SLC7A7: variants seen among roughly 807,000 people sequenced by gnomAD.
The protein encoded by SLC7A7 is solute carrier family 7 member 7, also known as Y+L amino acid transporter 1.
In SLC7A7, 39 loss-of-function variants were observed where a neutral mutation model predicts 47.9. The observed-to-expected ratio is 0.81, with a 90% CI of 0.63 to 1.06. The LOEUF is 1.06. Among genes scored for constraint, SLC7A7 ranks in the 50% least tolerant of loss-of-function variants. SLC7A7 has a pLI of 0.00. For synonymous variants in SLC7A7, 234 were observed against 242.8 expected (o/e 0.96, Z 0.34); for missense variants, 588 against 632.0 (o/e 0.93, Z 0.75).
At chr14:22,789,031 T>C (rs1310164507) in intron 2 of SLC7A7, among the ~76,000 whole-genome samples, 1 of 152,140 alleles carries the variant, frequency 6.6e-6, no homozygotes, top group Non-Finnish European at 1.5e-5. Context: ...AAAATTAAAA[T>C]TGAACCAAAA....
chr14:22,781,336 T>C (rs569192794), intron 2 of SLC7A7, among the ~76,000 whole-genome samples: 1 of 152,330 alleles, frequency 6.6e-6, no homozygotes, highest in Non-Finnish European at 1.5e-5. Flanking sequence ...TACTTCATCC[T>C]GAGAAGCAGG....
At position 22,801,516 on chromosome 14, in the gene SLC7A7, G is replaced by A. The variant is rs748151619; in HGVS notation, c.499+11384C>T. Among the ~76,000 whole-genome samples the A allele has an allele frequency of 1.1e-3, 172 of 152,192 alleles. 1 individual carries two copies. In the Middle Eastern group the frequency reaches 0.014, roughly 12 times the overall value. ...CCTGTATCAGAGGCCAGGCACGGTG[G>A]CTCACGCCTGTAATCCCAGCACTTT... On this transcript the variant is annotated intron_variant, in intron 2 of 9. Transcript: ENST00000674313.
intron 2 of SLC7A7, among the ~76,000 whole-genome samples, chr14:22,810,184 G>A (rs2039282572): frequency 6.6e-6 from 1 of 152,008 alleles, no homozygotes; most frequent in African/African-American, 2.4e-5. Flanking sequence ...AGAATTCTAA[G>A]GCCGGGAAGG....
chr14:22,801,022 C>T (rs1417629558), intron 2 of SLC7A7, among the ~76,000 whole-genome samples: 1 of 152,140 alleles, frequency 6.6e-6, no homozygotes, highest in Non-Finnish European at 1.5e-5. Flanking sequence ...TCTGCTGCAA[C>T]CACATGAGGG....
chr14:22,783,062 T>C (rs995343631), intron 2 of SLC7A7, among the ~76,000 whole-genome samples: 1 of 151,476 alleles, frequency 6.6e-6, no homozygotes, highest in Non-Finnish European at 1.5e-5. Flanking sequence ...GCCTCTTGAG[T>C]AGCTAGGACT....
chr14:22,775,987 G>A, intron 5 of SLC7A7, 51 bp from the exon 6 acceptor site: 1 of 1,500,738 alleles, frequency 6.7e-7, no homozygotes, highest in Non-Finnish European at 9.3e-7. Context: ...AGGGATGAAA[G>A]ACATGGATGG....
chr14:22,773,843 G>C, intron 9 of SLC7A7, 90 bp downstream of exon 9: 2 of 1,575,728 alleles, frequency 1.3e-6, no homozygotes, highest in Non-Finnish European at 1.7e-6. Flanking sequence ...AAGGGGCTAA[G>C]GCAAAGATGT....
intron 2 of SLC7A7, among the ~76,000 whole-genome samples, chr14:22,803,519 T>A (rs992599135): frequency 6.6e-6 from 1 of 151,854 alleles, no homozygotes; most frequent in African/African-American, 2.4e-5. Flanking sequence ...GTGAATGGAG[T>A]AAGGGAATAA....
At chr14:22,795,076 CTTTTTTTTT>C (rs3076435) in intron 2 of SLC7A7, among the ~76,000 whole-genome samples, 1 of 97,606 alleles carries the variant, frequency 1.0e-5, no homozygotes, top group Non-Finnish European at 2.0e-5. Context: ...TTCTTTCTTT[CTTTTTTTTT>C]TTTTTTTTTT....
intron 2 of SLC7A7, among the ~76,000 whole-genome samples, chr14:22,790,325 CTCAA>C: frequency 3.7e-5 from 1 of 26,742 alleles, no homozygotes; most frequent in African/African-American, 1.6e-4. Flanking sequence ...GCAAGACTGT[CTCAA>C]AAAAAAAAAA....
At position 22,815,355 on chromosome 14, in the gene SLC7A7, G is replaced by C. The variant is rs2039390363; in HGVS notation, c.-78C>G. The C allele has an allele frequency of 2.2e-6, 1 of 454,488 alleles. No individual in the cohort carries two copies. The highest frequency in any genetic ancestry group is 2.0e-5 in the African/African-American group (1 of 50,028). The allele number at this position is 454,488 out of a possible 1,614,324, so 28.2% of individuals were successfully genotyped here. ...TGGATATAAGCAGGTTCTCACGGCA[G>C]TGTGAGCAGCAGTCAGGGAGAGAAG... On this transcript the variant is annotated 5_prime_UTR_variant, in exon 1 of 10. Coordinates refer to ENST00000674313, the MANE Select transcript of SLC7A7 (RefSeq NM_003982.4).
intron 5 of SLC7A7, 82 bp downstream of exon 5, chr14:22,776,113 C>T: frequency 6.3e-7 from 1 of 1,590,514 alleles, no homozygotes; most frequent in South Asian, 1.1e-5. Flanking sequence ...CTGTCTACCC[C>T]CTTTCCAGGA....
intron 2 of SLC7A7, among the ~76,000 whole-genome samples, chr14:22,795,415 T>C (rs2039000786): frequency 8.1e-6 from 1 of 124,114 alleles, no homozygotes; most frequent in South Asian, 2.7e-4. Flanking sequence ...TCTTTCTTTC[T>C]TTCTTTCTTT....
chr14:22,773,770 A>C (rs968152072), intron 9 of SLC7A7, 54 bp from the exon 10 acceptor site: 3 of 1,577,916 alleles, frequency 1.9e-6, no homozygotes, highest in African/African-American at 1.3e-5. Context: ...GGCTGAGTTC[A>C]AGTGTCACTG....
rs1433081801 is a variant in SLC7A7 at position 22,812,978 on chromosome 14, T to C, written c.421A>G (p.Asn141Asp). The C allele has an allele frequency of 6.2e-7, 1 of 1,613,864 alleles. No individual in the cohort carries two copies. The change falls in exon 2 of 10, where the codon AAC becomes GAC. Residue 141 changes from asparagine to aspartate, a missense_variant. Transcript: ENST00000674313. Reference protein sequence around the residue: ...SQAIIAITFANYMVQPLFPSC... With the variant: ...SQAIIAITFADYMVQPLFPSC... ...GGGAAGAGAGGCTGTACCATGTAGT[T>C]GGCAAAGGTGATGGCAATGATGGCC...
At chr14:22,810,016 G>T in intron 2 of SLC7A7, among the ~76,000 whole-genome samples, 1 of 118,118 alleles carries the variant, frequency 8.5e-6, no homozygotes, top group African/African-American at 3.3e-5. Context: ...TCCAGCCTGG[G>T]CAACAAGAGG....
rs1378071034 is a variant in SLC7A7 at position 22,775,976 on chromosome 14, A to G, written c.895-40T>C. 4 of 1,533,638 alleles carry G rather than the reference A, an allele frequency of 2.6e-6. No homozygotes were observed. The African/African-American group carries it at 5.4e-5, about 21-fold the overall frequency. ...TGGAAGAGTCATTAGCAGGATCTAA[A>G]AGGGATGAAAGACATGGATGGGCAT... On this transcript the variant is annotated intron_variant, in intron 5 of 9. Transcript: ENST00000674313.
At chr14:22,774,967 C>G (rs72681911) in intron 7 of SLC7A7, among the ~76,000 whole-genome samples, 2 of 152,278 alleles carry the variant, frequency 1.3e-5, no homozygotes, top group South Asian at 4.2e-4. Context: ...TGTATTAAAA[C>G]CCATACTGCT....
intron 2 of SLC7A7, among the ~76,000 whole-genome samples, chr14:22,804,431 A>G (rs1272604393): frequency 6.6e-6 from 1 of 152,220 alleles, no homozygotes; most frequent in Non-Finnish European, 1.5e-5. Flanking sequence ...GACAACCTCT[A>G]CAGAATGGGA....
Sources: allele counts gnomAD v4.1 joint callset (sites outside exome capture counted in the v4.1 genomes callset), GRCh38; gene constraint gnomAD v4.1.1; transcripts MANE v1.5; gene names NCBI Gene and HGNC (gene_info 2026-07-23, HGNC 2026-07-21).